ELOC: variants seen among roughly 807,000 people sequenced by gnomAD.
The protein encoded by ELOC is elongin-C.
For synonymous variants in ELOC, 40 were observed against 51.3 expected (o/e 0.78, Z 0.94); for missense variants, 38 against 139.0 (o/e 0.27, Z 3.65).
chr8:73,963,327 G>T (rs1353403317), intron 1 of ELOC, among the ~76,000 whole-genome samples: 2 of 152,102 alleles, frequency 1.3e-5, no homozygotes, highest in Non-Finnish European at 2.9e-5. Flanking sequence ...ATTGCTACAT[G>T]AAATTCTAGA....
intron 3 of ELOC, among the ~76,000 whole-genome samples, chr8:73,948,424 T>C (rs1004131135): frequency 6.6e-6 from 1 of 152,044 alleles, no homozygotes; most frequent in African/African-American, 2.4e-5. Context: ...AAAAATAAAG[T>C]CAGGGCAAAT....
intron 3 of ELOC, chr8:73,955,663 T>C: frequency 2.3e-6 from 1 of 441,738 alleles, no homozygotes; most frequent in Non-Finnish European, 4.1e-6. Flanking sequence ...TTCCAGCTAC[T>C]CTGAGGCAGG....
intron 1 of ELOC, among the ~76,000 whole-genome samples, chr8:73,968,713 T>C (rs538495507): frequency 2.0e-5 from 3 of 152,340 alleles, no homozygotes; most frequent in East Asian, 1.9e-4. Flanking sequence ...ATGATTGATA[T>C]TCCGTCACCT....
chr8:73,968,226 A>C (rs1815120133), intron 1 of ELOC, among the ~76,000 whole-genome samples: 2 of 152,222 alleles, frequency 1.3e-5, no homozygotes, highest in Non-Finnish European at 2.9e-5. Flanking sequence ...CAAATGAGAC[A>C]ATTGGACTCA....
chr8:73,957,172 CAAAA>C (rs75391050), intron 2 of ELOC, among the ~76,000 whole-genome samples: 1 of 128,670 alleles, frequency 7.8e-6, no homozygotes. Context: ...GACCCTGTCT[CAAAA>C]AAAAAAAAAA....
chr8:73,967,615 G>C (rs1037233410), intron 1 of ELOC, among the ~76,000 whole-genome samples: 1 of 151,964 alleles, frequency 6.6e-6, no homozygotes, highest in Non-Finnish European at 1.5e-5. Flanking sequence ...TTACAGGCAT[G>C]CATCACCACG....
rs1813369717 is a variant in ELOC, at chr8:73,946,179, T to A, written c.*451A>T. 6.5e-6 allele frequency: 1 copy of A among 152,720 alleles called. No homozygotes were observed. 9.5% of individuals were successfully genotyped at this position (152,720 alleles called of 1,614,324 possible). On this transcript the variant is annotated 3_prime_UTR_variant, in exon 4 of 4. Transcript: ENST00000520242. The stretch of plus-strand genomic sequence containing the variant: ...GAGTTATAAAAATCAATGTTTTGGC[T>A]AAGTTATAAACATGTTTATAATGCA...
At chr8:73,969,177 A>C (rs1328779099) in intron 1 of ELOC, among the ~76,000 whole-genome samples, 2 of 152,216 alleles carry the variant, frequency 1.3e-5, no homozygotes, top group Admixed American at 6.5e-5. Flanking sequence ...CGAACTCAGT[A>C]AGTCCCATAT....
chr8:73,960,137 CAG>C (rs1429098798), intron 1 of ELOC, among the ~76,000 whole-genome samples: 2 of 152,110 alleles, frequency 1.3e-5, no homozygotes, highest in African/African-American at 4.8e-5. Flanking sequence ...TTAAAAGTAA[CAG>C]ACGTGTAAAA....
At chr8:73,956,803 T>C (rs958813867) in intron 2 of ELOC, among the ~76,000 whole-genome samples, 1 of 152,210 alleles carries the variant, frequency 6.6e-6, no homozygotes, top group Admixed American at 6.5e-5. Context: ...TTCTAAAAGT[T>C]AAGACTTCTT....
At chr8:73,970,876 AAAAC>A (rs1182348806) in intron 1 of ELOC, among the ~76,000 whole-genome samples, 2 of 150,326 alleles carry the variant, frequency 1.3e-5, no homozygotes, top group African/African-American at 4.9e-5. Flanking sequence ...AAACAAAAAA[AAAAC>A]AAAATTAGCC....
At chr8:73,948,308 T>C (rs968170082) in intron 3 of ELOC, among the ~76,000 whole-genome samples, 2 of 152,148 alleles carry the variant, frequency 1.3e-5, no homozygotes, top group Non-Finnish European at 2.9e-5. Context: ...GGTGGTATGA[T>C]TGGCGAGCAG....
chr8:73,960,902 AG>A (rs922654263), intron 1 of ELOC, among the ~76,000 whole-genome samples: 16 of 152,308 alleles, frequency 1.1e-4, no homozygotes, highest in Admixed American at 9.2e-4. Flanking sequence ...GCCTGAACCC[AG>A]GAGACTGAGA....
At chr8:73,966,821 T>A (rs1366385588) in intron 1 of ELOC, among the ~76,000 whole-genome samples, 1 of 152,056 alleles carries the variant, frequency 6.6e-6, no homozygotes, top group Admixed American at 6.6e-5. Context: ...CAACACTACA[T>A]AAGAATGTAT....
At chr8:73,948,781 G>A (rs1586590528) in intron 3 of ELOC, among the ~76,000 whole-genome samples, 1 of 152,136 alleles carries the variant, frequency 6.6e-6, no homozygotes, top group South Asian at 2.1e-4. Context: ...GCTGCAGTGC[G>A]CCATGATGGC....
chr8:73,954,494 A>G (rs1814007661), intron 3 of ELOC, among the ~76,000 whole-genome samples: 1 of 151,820 alleles, frequency 6.6e-6, no homozygotes, highest in Admixed American at 6.6e-5. Flanking sequence ...TCTCTACTAA[A>G]AGTACAAAAA....
intron 3 of ELOC, among the ~76,000 whole-genome samples, chr8:73,950,056 T>C (rs546476864): frequency 2.6e-5 from 4 of 152,250 alleles, no homozygotes; most frequent in South Asian, 2.1e-4. Context: ...AGCACCCAGA[T>C]TGGGGCCCCT....
chr8:73,971,559 C>A (rs1347467339), intron 1 of ELOC, among the ~76,000 whole-genome samples: 2 of 152,006 alleles, frequency 1.3e-5, no homozygotes, highest in African/African-American at 2.4e-5. Flanking sequence ...CACTAGATAC[C>A]TCCTTTCAGA....
At position 73,946,678 on chromosome 8, in the gene ELOC, A is replaced by C; in HGVS notation, c.291T>G (p.Pro97=). The change falls in exon 4 of 4, where the codon CCT becomes CCG. Residue 97 remains proline, a synonymous_variant. Coordinates refer to ENST00000520242, the MANE Select transcript of ELOC (RefSeq NM_005648.4). ...STEIPEFPIA[P]EIALELLMAA... ...CCATCAGCAGTTCCAGTGCAATTTCAGGTGCAATTGGGAATTCAGGAATCT... is the reference window on the plus strand; with the variant it reads ...CCATCAGCAGTTCCAGTGCAATTTCCGGTGCAATTGGGAATTCAGGAATCT... 1.2e-6 allele frequency: 2 copies of C among 1,611,156 alleles called. No homozygotes were observed. Among genetic ancestry groups the C allele is most frequent in the Non-Finnish European group, 1.7e-6 (2 of 1,178,966 alleles).
Sources: allele counts gnomAD v4.1 joint callset (sites outside exome capture counted in the v4.1 genomes callset), GRCh38; gene constraint gnomAD v4.1.1; transcripts MANE v1.5; gene names NCBI Gene and HGNC (gene_info 2026-07-23, HGNC 2026-07-21).